OXCT1: variants seen among roughly 807,000 people sequenced by gnomAD.
The protein encoded by OXCT1 is 3-oxoacid CoA-transferase 1, also known as succinyl-CoA:3-ketoacid coenzyme A transferase 1, mitochondrial.
In OXCT1, 27 loss-of-function variants were observed where a neutral mutation model predicts 69.6. The ratio of observed to expected loss-of-function variants is 0.39; its 90% CI spans 0.29 to 0.54. The LOEUF (loss-of-function observed/expected upper bound fraction) is 0.54. Among genes scored for constraint, OXCT1 ranks in the 20% least tolerant of loss-of-function variants. The pLI is 0.72. For synonymous variants in OXCT1, 202 were observed against 217.8 expected (o/e 0.93, Z 0.64); for missense variants, 437 against 650.2 (o/e 0.67, Z 3.57).
At chr5:41,859,866 T>TATATATATATATATATATATTAC (rs1749638357) in intron 3 of OXCT1, among the ~76,000 whole-genome samples, 1 of 95,070 alleles carries the variant, frequency 1.1e-5, no homozygotes, top group Non-Finnish European at 2.2e-5. Context: ...AGTATAGTAA[T>TATATATATATATATATATATTAC]ATATATATAT....
chr5:41,774,114 A>G (rs978579977), intron 13 of OXCT1, among the ~76,000 whole-genome samples: 1 of 152,228 alleles, frequency 6.6e-6, no homozygotes. Flanking sequence ...AATTGCTAAA[A>G]TGTCACTATT....
At chr5:41,841,448 C>T (rs1225578460) in intron 6 of OXCT1, among the ~76,000 whole-genome samples, 2 of 152,148 alleles carry the variant, frequency 1.3e-5, no homozygotes, top group Non-Finnish European at 2.9e-5. Flanking sequence ...CCAAGTCCCC[C>T]ACTTGAATAA....
intron 4 of OXCT1, among the ~76,000 whole-genome samples, chr5:41,853,036 A>T (rs1329178585): frequency 6.6e-6 from 1 of 151,824 alleles, no homozygotes; most frequent in Non-Finnish European, 1.5e-5. Context: ...ACACCGCCGC[A>T]CTCCACCCTG....
intron 5 of OXCT1, among the ~76,000 whole-genome samples, chr5:41,848,871 T>C (rs1749049125): frequency 6.6e-6 from 1 of 152,170 alleles, no homozygotes; most frequent in African/African-American, 2.4e-5. Context: ...GACATAGGCA[T>C]GGGCAAGGAC....
chr5:41,859,003 T>C (rs1579897327), intron 3 of OXCT1, among the ~76,000 whole-genome samples: 1 of 152,202 alleles, frequency 6.6e-6, no homozygotes, highest in East Asian at 1.9e-4. Flanking sequence ...TCCAGACATA[T>C]AAAATTCATA....
Position 41,762,773 on chromosome 5 carries a change from C to G in OXCT1, c.1249-573G>C, listed in dbSNP as rs1030469176. Reference sequence around the variant, plus strand: ...TAAAATAAAAAACATTCTTGCTAAGCAAAAACAGAACACAGAAACAGAGTT... The same window carrying G: ...TAAAATAAAAAACATTCTTGCTAAGGAAAAACAGAACACAGAAACAGAGTT... On this transcript the variant is annotated intron_variant, in intron 13 of 16. Coordinates refer to ENST00000196371, the MANE Select transcript of OXCT1 (RefSeq NM_000436.4). The surrounding 1 kb of genome is among the most constrained non-coding windows in gnomAD (Gnocchi z 4.0). Among the ~76,000 whole-genome samples, 6 of 152,044 alleles carry G rather than the reference C, an allele frequency of 3.9e-5. No individual in the cohort carries two copies. Among genetic ancestry groups the G allele is most frequent in the African/African-American group, 1.4e-4 (6 of 41,446 alleles).
At position 41,803,167 on chromosome 5, in the gene OXCT1, G is replaced by A; in HGVS notation, c.956-4C>T. On this transcript the variant is annotated splice_region_variant and splice_polypyrimidine_tract_variant and intron_variant, in intron 9 of 16. Coordinates refer to ENST00000196371, the MANE Select transcript of OXCT1 (RefSeq NM_000436.4). Reference sequence around the variant, plus strand: ...GGGATTCCTATGCCCAAATTAGCTGGAAAAAAAAGATGTTAAGGTCCAGCA... The same window carrying A: ...GGGATTCCTATGCCCAAATTAGCTGAAAAAAAAAGATGTTAAGGTCCAGCA... The A allele has an allele frequency of 1.3e-6, 2 of 1,586,954 alleles. No individual in the cohort carries two copies. Among genetic ancestry groups the A allele is most frequent in the Non-Finnish European group, 1.7e-6 (2 of 1,156,552 alleles).
chr5:41,847,615 G>C (rs1579869880), intron 5 of OXCT1, among the ~76,000 whole-genome samples: 1 of 151,700 alleles, frequency 6.6e-6, no homozygotes, highest in East Asian at 1.9e-4. Context: ...GGGATGCAAG[G>C]CTGGTTCAAT....
At chr5:41,815,013 T>G (rs951798585) in intron 7 of OXCT1, among the ~76,000 whole-genome samples, 2 of 152,152 alleles carry the variant, frequency 1.3e-5, no homozygotes, top group African/African-American at 4.8e-5. Flanking sequence ...AATGTCTCAT[T>G]GTAAAACGCA....
chr5:41,781,417 C>T (rs775805021), intron 13 of OXCT1, among the ~76,000 whole-genome samples: 2 of 149,378 alleles, frequency 1.3e-5, no homozygotes, highest in Non-Finnish European at 3.0e-5. Context: ...ATAAAGTGAC[C>T]GCAGGGACAC....
intron 11 of OXCT1, among the ~76,000 whole-genome samples, chr5:41,799,724 G>C (rs1044691074): frequency 6.6e-6 from 1 of 152,148 alleles, no homozygotes; most frequent in African/African-American, 2.4e-5. Context: ...AAAGGGTACA[G>C]TACAATTAAA....
In OXCT1 at chr5:41,801,212, G is replaced by A. The variant is rs559946382; in HGVS notation, c.1051-142C>T. 2.2e-4 allele frequency: 151 copies of A among 696,054 alleles called. No homozygotes were observed. In the African/African-American group the frequency reaches 2.4e-3, roughly 11 times the overall value. 43.1% of individuals were successfully genotyped at this position (696,054 alleles called of 1,614,324 possible). ...GAGGTAAACTTTTGAAAAATAATTCGGTTGTGTCCATGGCTCTGTTTCTTA... is the reference window on the plus strand; with the variant it reads ...GAGGTAAACTTTTGAAAAATAATTCAGTTGTGTCCATGGCTCTGTTTCTTA... On this transcript the variant is annotated intron_variant, in intron 10 of 16. Transcript: ENST00000196371.
chr5:41,736,260 T>C (rs1742879469), intron 16 of OXCT1, among the ~76,000 whole-genome samples: 1 of 152,148 alleles, frequency 6.6e-6, no homozygotes, highest in African/African-American at 2.4e-5. Context: ...TCCAGAAATA[T>C]AATCAATATT....
chr5:41,831,477 C>T (rs776287382), intron 7 of OXCT1, among the ~76,000 whole-genome samples: 25 of 152,142 alleles, frequency 1.6e-4, no homozygotes, highest in Non-Finnish European at 3.2e-4. Flanking sequence ...ATCAAATATA[C>T]TACATATTTT....
At chr5:41,743,294 T>C (rs1579639293) in intron 15 of OXCT1, among the ~76,000 whole-genome samples, 1 of 152,342 alleles carries the variant, frequency 6.6e-6, no homozygotes, top group South Asian at 2.1e-4. Flanking sequence ...GAAGTGTCTG[T>C]TCATATCCTT....
rs1746663818 is a variant in OXCT1 at position 41,806,035 on chromosome 5, T to A, written c.841-354A>T. Among the ~76,000 whole-genome samples, 5 of 152,176 alleles carry A rather than the reference T, an allele frequency of 3.3e-5. No homozygotes were observed. The South Asian group carries it at 8.3e-4, about 25-fold the overall frequency. ...AGAAGAATGAAAGAGGAACAGACTT[T>A]GGGAATGTGTTTTTCAGGGCTGTCA... On this transcript the variant is annotated intron_variant, in intron 8 of 16. Coordinates refer to ENST00000196371, the MANE Select transcript of OXCT1 (RefSeq NM_000436.4).
intron 13 of OXCT1, among the ~76,000 whole-genome samples, chr5:41,791,580 T>C (rs1745918339): frequency 6.6e-6 from 1 of 152,182 alleles, no homozygotes; most frequent in African/African-American, 2.4e-5. Context: ...TAAATCATAA[T>C]ATAAACAAAT....
chr5:41,791,001 C>T (rs976836630), intron 13 of OXCT1, among the ~76,000 whole-genome samples: 3 of 152,008 alleles, frequency 2.0e-5, no homozygotes, highest in Non-Finnish European at 4.4e-5. Context: ...ACTTAATAGC[C>T]ACTATTTAGA....
At chr5:41,842,056 T>C (rs897761092) in intron 6 of OXCT1, among the ~76,000 whole-genome samples, 1 of 152,242 alleles carries the variant, frequency 6.6e-6, no homozygotes, top group Non-Finnish European at 1.5e-5. Context: ...AAAGGTTTCA[T>C]ATTCCTCAAA....
Sources: allele counts gnomAD v4.1 joint callset (sites outside exome capture counted in the v4.1 genomes callset), GRCh38; gene constraint gnomAD v4.1.1; non-coding constraint Gnocchi (gnomAD v3.1); transcripts MANE v1.5; gene names NCBI Gene and HGNC (gene_info 2026-07-23, HGNC 2026-07-21).